Variants in ITGAL observed in about 807,000 individuals in gnomAD.
ITGAL encodes the protein integrin subunit alpha L, also known as integrin alpha-L.
Under a neutral mutation model 138.4 loss-of-function variants are expected in ITGAL, and 68 were observed. The ratio of observed to expected loss-of-function variants is 0.49; its 90% CI spans 0.40 to 0.60. The LOEUF (loss-of-function observed/expected upper bound fraction) is 0.60, where lower values mean the gene tolerates loss of function less well. ITGAL is among the 20% of genes least tolerant of loss of function. The pLI, the probability that ITGAL is intolerant of heterozygous loss-of-function variation, is 0.00. For synonymous variants in ITGAL, 561 were observed against 584.3 expected, an observed-to-expected ratio of 0.96 and a Z score of 0.57; for missense variants, 1,256 against 1,478.6, an observed-to-expected ratio of 0.85 and a Z score of 2.47.
intron 21 of ITGAL, chr16:30,509,214 A>T (rs2051052282): frequency 6.6e-6 from 1 of 152,476 alleles, no homozygotes; most frequent in Non-Finnish European, 1.5e-5. Context: ...AGAGAAAATA[A>T]CTGGAGTCAA....
rs1360030226 is a variant in ITGAL, at chr16:30,518,623, G to C, written c.3133-1G>C. 6.2e-7 allele frequency: 1 copy of C among 1,611,664 alleles called. No individual in the cohort carries two copies. The highest frequency in any genetic ancestry group is 2.2e-5 in the East Asian group (1 of 44,868). On this transcript the variant is annotated splice_acceptor_variant, in intron 28 of 30. Transcript: ENST00000356798. LOFTEE classifies it high-confidence loss of function. ...TCTGACGCCTTTCCCCGCTCCCACA[G>C]GCCTCTTCCATGTTCAGCCTCTGCA...
intron 11 of ITGAL, among the ~76,000 whole-genome samples, chr16:30,491,984 T>C (rs2050729922): frequency 1.3e-5 from 2 of 152,172 alleles, no homozygotes; most frequent in Admixed American, 6.5e-5. Flanking sequence ...GTCTCTTCAC[T>C]CTTCCTTCCA....
intron 28 of ITGAL, among the ~76,000 whole-genome samples, chr16:30,518,310 G>A (rs777849070): frequency 4.6e-5 from 7 of 151,970 alleles, no homozygotes; most frequent in Admixed American, 3.9e-4. Context: ...TTAGCCGGGC[G>A]TGGTGGCACA....
chr16:30,505,255 C>T lies in ITGAL; in HGVS notation c.2247C>T (p.Asp749=). The T allele has an allele frequency of 6.2e-7, 1 of 1,609,798 alleles. No individual in the cohort carries two copies. Among genetic ancestry groups the T allele is most frequent in the South Asian group, 1.1e-5 (1 of 90,836 alleles). Residue 749 remains aspartate (D), a synonymous_variant, in exon 19 of 31, where the codon GAC becomes GAT. Coordinates refer to ENST00000356798, the MANE Select transcript of ITGAL (RefSeq NM_002209.3). The part of the protein sequence containing the change: ...TPRDQRAQGK[D]IPPILRPSLH... ...TACCCCTCGCTCAGCAGGGCAAGGA[C>T]ATACCGCCCATCCTGAGACCCTCCC...
chr16:30,507,890 T>C (rs2051027626), intron 21 of ITGAL, among the ~76,000 whole-genome samples: 1 of 152,210 alleles, frequency 6.6e-6, no homozygotes, highest in East Asian at 1.9e-4. Context: ...TTTTTATTTT[T>C]TTATTTTCTT....
At position 30,505,412 on chromosome 16, in the gene ITGAL, G is replaced by A; in HGVS notation, c.2316G>A (p.Gly772=). The part of the protein sequence containing the change: ...TWEIPFEKNC[G]EDKKCEANLR... ...AGATCCCTTTTGAGAAGAACTGTGG[G>A]GAGGACAAGAAGTGTGAGGCAAACT... Residue 772 remains glycine, a synonymous_variant, in exon 20 of 31, where the codon GGG becomes GGA. Coordinates refer to ENST00000356798, the MANE Select transcript of ITGAL (RefSeq NM_002209.3). 6.2e-7 allele frequency: 1 copy of A among 1,614,044 alleles called. No individual in the cohort carries two copies. Among genetic ancestry groups the A allele is most frequent in the Non-Finnish European group, 8.5e-7 (1 of 1,179,998 alleles).
intron 23 of ITGAL, 44 bp from the exon 24 acceptor site, chr16:30,511,006 C>A: frequency 1.2e-6 from 2 of 1,610,238 alleles, no homozygotes; most frequent in Non-Finnish European, 1.7e-6. Flanking sequence ...CAGACCTGGC[C>A]AAGCCCTTCT....
chr16:30,486,596 A>T (rs2050650153), intron 9 of ITGAL, among the ~76,000 whole-genome samples: 1 of 152,198 alleles, frequency 6.6e-6, no homozygotes, highest in Admixed American at 6.6e-5. Flanking sequence ...GAAAGGTGGA[A>T]TGAGGGCAGA....
In ITGAL at chr16:30,490,227, T is replaced by TAA. The variant is rs71149031; in HGVS notation, c.1213+860_1213+861dup. On this transcript the variant is annotated intron_variant, in intron 11 of 30. Transcript: ENST00000356798. ...AAGATGACAGAGCGAGACTCCGTCTTAAAAAAAAAAAAAAAAAAAAGGCCT... is the reference window on the plus strand; with the variant it reads ...AAGATGACAGAGCGAGACTCCGTCTTAAAAAAAAAAAAAAAAAAAAAAGGCCT... Among the ~76,000 whole-genome samples the TAA allele has an allele frequency of 5.4e-3, 693 of 129,490 alleles. 9 individuals are homozygous for TAA. The highest frequency in any genetic ancestry group is 8.1e-3 in the Non-Finnish European group (506 of 62,544). 85.0% of individuals were successfully genotyped at this position (129,490 alleles called of 152,430 possible).
chr16:30,521,766 C>A lies in ITGAL; in HGVS notation c.*101C>A, dbSNP rs2051257907. 1.8e-6 allele frequency: 2 copies of A among 1,109,050 alleles called. No homozygotes were observed. The highest frequency in any genetic ancestry group is 2.6e-6 in the Non-Finnish European group (2 of 782,498). 68.7% of individuals were successfully genotyped at this position (1,109,050 alleles called of 1,614,324 possible). The stretch of plus-strand genomic sequence containing the variant: ...CTGCCGTGTGCCCTCGGGCGAGTCA[C>A]TGCCTCTCCCTGGCCCTCAGTTTCC... On this transcript the variant is annotated 3_prime_UTR_variant, in exon 31 of 31. Coordinates refer to ENST00000356798, the MANE Select transcript of ITGAL (RefSeq NM_002209.3).
Position 30,517,712 on chromosome 16 carries a change from G to C in ITGAL, c.3033+7G>C. 1 of 1,613,994 alleles carries C rather than the reference G, an allele frequency of 6.2e-7. No homozygotes were observed. Among genetic ancestry groups the C allele is most frequent in the Non-Finnish European group, 8.5e-7 (1 of 1,179,838 alleles). ...GCTCCCGGATGCAGCTGAGGTATGGGCGTGTGAGCTGAGAGACGGTGGGGC... is the reference window on the plus strand; with the variant it reads ...GCTCCCGGATGCAGCTGAGGTATGGCCGTGTGAGCTGAGAGACGGTGGGGC... On this transcript the variant is annotated splice_region_variant and intron_variant, in intron 27 of 30. Transcript: ENST00000356798.
At position 30,494,575 on chromosome 16, in the gene ITGAL, G is replaced by C; in HGVS notation, c.1366-138G>C. ...CTCAAAGAGCCCACCTTGTCTTAAC[G>C]CACATAGACTAGGGGTGGATCCAAG... On this transcript the variant is annotated intron_variant, in intron 12 of 30. Coordinates refer to ENST00000356798, the MANE Select transcript of ITGAL (RefSeq NM_002209.3). This position sits in a 1 kb window ranked among gnomAD's most constrained non-coding sequence, Gnocchi z 4.2. 8.5e-7 allele frequency: 1 copy of C among 1,182,124 alleles called. No individual in the cohort carries two copies. The allele number at this position is 1,182,124 out of a possible 1,614,324, so 73.2% of individuals were successfully genotyped here.
Position 30,521,770 on chromosome 16 carries a change from C to A in ITGAL, c.*105C>A. On this transcript the variant is annotated 3_prime_UTR_variant, in exon 31 of 31. Coordinates refer to ENST00000356798, the MANE Select transcript of ITGAL (RefSeq NM_002209.3). ...CGTGTGCCCTCGGGCGAGTCACTGC[C>A]TCTCCCTGGCCCTCAGTTTCCCTAT... The A allele has an allele frequency of 9.2e-7, 1 of 1,084,924 alleles. No homozygotes were observed. Among genetic ancestry groups the A allele is most frequent in the Non-Finnish European group, 1.3e-6 (1 of 761,620 alleles). The allele number at this position is 1,084,924 out of a possible 1,614,324, so 67.2% of individuals were successfully genotyped here. A position where few individuals can be genotyped will look rare whatever the true frequency, so the allele number is the denominator to read the frequency against.
chr16:30,474,083 G>A (rs1315094785), intron 1 of ITGAL, 113 bp from the exon 2 acceptor site: 1 of 753,106 alleles, frequency 1.3e-6, no homozygotes, highest in Non-Finnish European at 2.3e-6. Flanking sequence ...GGAAGCGCAG[G>A]GTGCGGGTGG....
intron 11 of ITGAL, among the ~76,000 whole-genome samples, chr16:30,490,497 G>C (rs2050710314): frequency 6.6e-6 from 1 of 152,102 alleles, no homozygotes; most frequent in African/African-American, 2.4e-5. Flanking sequence ...AGAGCTCTGG[G>C]CCATGCTCTT....
rs369835784 is a variant in ITGAL at position 30,517,850 on chromosome 16, C to T, written c.3087C>T (p.Ile1029=). 9 of 1,614,040 alleles carry T rather than the reference C, an allele frequency of 5.6e-6. No individual in the cohort carries two copies. The highest frequency in any genetic ancestry group is 7.6e-6 in the Non-Finnish European group (9 of 1,180,044). ...FRCPVVFRQE[I]LVQVIGTLEL... ...GCCCTGTTGTCTTCAGGCAGGAGATCCTCGTCCAAGTGATCGGGACTCTGG... is the reference window on the plus strand; with the variant it reads ...GCCCTGTTGTCTTCAGGCAGGAGATTCTCGTCCAAGTGATCGGGACTCTGG... The change falls in exon 28 of 31, where the codon ATC becomes ATT. Residue 1029 remains isoleucine, a synonymous_variant. Coordinates refer to ENST00000356798, the MANE Select transcript of ITGAL (RefSeq NM_002209.3).
chr16:30,521,614 C>T lies in ITGAL; in HGVS notation c.3462C>T (p.Cys1154=). The change falls in exon 31 of 31, where the codon TGC becomes TGT. Residue 1154 remains cysteine, a synonymous_variant. Coordinates refer to ENST00000356798, the MANE Select transcript of ITGAL (RefSeq NM_002209.3). The stretch of plus-strand genomic sequence containing the variant: ...GGCAAGAGGCTGGGGATCCCGGCTG[C>T]CTGAAGCCCCTCCATGAGAAGGACT... ...ASGQEAGDPG[C]LKPLHEKDSE... is the part of the protein sequence containing the mutation. The T allele has an allele frequency of 6.2e-7, 1 of 1,614,156 alleles. No individual in the cohort carries two copies.
At chr16:30,513,434 G>T (rs530280997) in intron 24 of ITGAL, among the ~76,000 whole-genome samples, 1 of 152,330 alleles carries the variant, frequency 6.6e-6, no homozygotes, top group South Asian at 2.1e-4. Flanking sequence ...AAGGATGGGT[G>T]CGAGGGGCAT....
At chr16:30,476,017 G>A (rs531830915) in intron 4 of ITGAL, among the ~76,000 whole-genome samples, 9 of 152,104 alleles carry the variant, frequency 5.9e-5, no homozygotes, top group Admixed American at 1.3e-4. Flanking sequence ...TTGGGAGGCC[G>A]AGGCAGGCGG....
Sources: gnomAD v4.1 joint callset for allele counts (sites outside exome capture counted in the v4.1 genomes callset) on GRCh38, gnomAD v4.1.1 for gene constraint, Gnocchi (gnomAD v3.1) non-coding constraint, MANE v1.5 for transcripts, NCBI Gene and HGNC (gene_info 2026-07-23, HGNC 2026-07-21) for gene names.